CCDC180: variants seen among roughly 807,000 people sequenced by gnomAD.
CCDC180 encodes coiled-coil domain containing 180.
In CCDC180, 154 loss-of-function variants were observed where a neutral mutation model predicts 209.2. That is an observed-to-expected ratio of 0.74 (90% confidence interval 0.65 to 0.84). CCDC180 has a LOEUF of 0.84. Among genes scored for constraint, CCDC180 ranks in the 40% least tolerant of loss-of-function variants. The pLI is 0.00. For synonymous variants in CCDC180, 778 were observed against 749.1 expected (o/e 1.04, Z -0.63); for missense variants, 1,874 against 1,997.3 (o/e 0.94, Z 1.18).
chr9:97,355,216 G>A (rs1165064165), intron 24 of CCDC180, among the ~76,000 whole-genome samples: 1 of 152,102 alleles, frequency 6.6e-6, no homozygotes, highest in Non-Finnish European at 1.5e-5. Flanking sequence ...GTGCAGTGGC[G>A]TGAACACAGC....
chr9:97,326,409 G>T (rs1372895348), intron 14 of CCDC180, 145 bp from the exon 15 acceptor site: 1 of 653,502 alleles, frequency 1.5e-6, no homozygotes, highest in Non-Finnish European at 2.8e-6. Context: ...GTGGCAGATT[G>T]GGTACCCCAT....
chr9:97,329,759 G>A (rs145231911), intron 16 of CCDC180, among the ~76,000 whole-genome samples: 3 of 152,220 alleles, frequency 2.0e-5, no homozygotes, highest in Admixed American at 6.5e-5. Flanking sequence ...GGGAGGGATG[G>A]GTCCTTTTAC....
In CCDC180 at chr9:97,349,136, G is replaced by A. The variant is rs865776286; in HGVS notation, c.2700G>A (p.Gln900=). The change falls in exon 21 of 37, where the codon CAG becomes CAA. Residue 900 remains glutamine (Q), a synonymous_variant. Coordinates refer to ENST00000529487, the MANE Select transcript of CCDC180 (RefSeq NM_020893.6). ...RAAELLLHQE[Q]LDSHCAGVTE... ...CCGAGCTTTTGCTTCATCAAGAGCA[G>A]TTGGACAGCCACTGTGCTGGGGTGA... 3 of 1,536,130 alleles carry A rather than the reference G, an allele frequency of 2.0e-6. No homozygotes were observed. Among genetic ancestry groups the A allele is most frequent in the East Asian group, 2.4e-5 (1 of 40,924 alleles).
In CCDC180 at chr9:97,371,593, A is replaced by G. The variant is rs759886680; in HGVS notation, c.4489-2A>G. The G allele has an allele frequency of 6.3e-6, 10 of 1,590,184 alleles. No individual in the cohort carries two copies. In the African/African-American group the frequency reaches 9.4e-5, roughly 15 times the overall value. Reference sequence around the variant, plus strand: ...GCACTGTGCTCACCATGTTTTTTCCAGGAATGTACCAGAAGGAATGGCCAG... The same window carrying G: ...GCACTGTGCTCACCATGTTTTTTCCGGGAATGTACCAGAAGGAATGGCCAG... On this transcript the variant is annotated splice_acceptor_variant, in intron 33 of 36. Coordinates refer to ENST00000529487, the MANE Select transcript of CCDC180 (RefSeq NM_020893.6). LOFTEE classifies it high-confidence loss of function.
Position 97,354,884 on chromosome 9 carries a change from C to T in CCDC180, c.3148-8C>T. 1 of 1,601,460 alleles carries T rather than the reference C, an allele frequency of 6.2e-7. No individual in the cohort carries two copies. The highest frequency in any genetic ancestry group is 8.6e-7 in the Non-Finnish European group (1 of 1,168,438). On this transcript the variant is annotated splice_region_variant and splice_polypyrimidine_tract_variant and intron_variant, in intron 23 of 36. Coordinates refer to ENST00000529487, the MANE Select transcript of CCDC180 (RefSeq NM_020893.6). ...CCCCTGTCCTTTACCCTTTATCTCT[C>T]TGTACAGGCCAATGATGTCATCAAC...
chr9:97,326,149 GC>G (rs997483428), intron 14 of CCDC180, among the ~76,000 whole-genome samples: 4 of 152,200 alleles, frequency 2.6e-5, no homozygotes, highest in African/African-American at 9.7e-5. Context: ...AGGTCAGCTG[GC>G]CCCTGCCTTG....
intron 34 of CCDC180, chr9:97,372,030 A>G: frequency 5.4e-6 from 1 of 186,392 alleles, no homozygotes; most frequent in East Asian, 1.3e-4. Flanking sequence ...AATCCCGAAA[A>G]ATGTCAAAAG....
intron 18 of CCDC180, among the ~76,000 whole-genome samples, chr9:97,339,374 A>T (rs1270265343): frequency 1.3e-5 from 2 of 152,128 alleles, no homozygotes; most frequent in Non-Finnish European, 2.9e-5. Flanking sequence ...ATCTCTCAGC[A>T]TTTGCTTGTC....
intron 31 of CCDC180, chr9:97,369,577 C>T: frequency 4.9e-6 from 1 of 204,492 alleles, no homozygotes; most frequent in South Asian, 8.5e-5. Context: ...CCACTTCAGC[C>T]TCCTGAGTAG....
At chr9:97,321,415 G>A (rs892912749) in intron 11 of CCDC180, among the ~76,000 whole-genome samples, 5 of 152,212 alleles carry the variant, frequency 3.3e-5, no homozygotes, top group African/African-American at 1.2e-4. Context: ...AGTAAGAGAA[G>A]GGTTTAGTGG....
upstream of CCDC180, chr9:97,307,565 T>C (rs904017454): frequency 1.3e-4 from 85 of 648,026 alleles, no homozygotes; most frequent in Middle Eastern, 1.8e-3. Context: ...ACTCTCTCCC[T>C]CCAATTCTCC....
chr9:97,326,578 C>T lies in CCDC180; in HGVS notation c.1570C>T (p.Leu524Phe), dbSNP rs761779685. 6.2e-7 allele frequency: 1 copy of T among 1,613,418 alleles called. No homozygotes were observed. The highest frequency in any genetic ancestry group is 8.5e-7 in the Non-Finnish European group (1 of 1,179,352). Reference sequence around the variant, plus strand: ...GGTGCAGGAGGCCCACCTCGATAGGCTCTTGGACCAACTGAGGCAGCAAAG... The same window carrying T: ...GGTGCAGGAGGCCCACCTCGATAGGTTCTTGGACCAACTGAGGCAGCAAAG... ...SQVQEAHLDRLLDQLRQQSDK... is the reference protein window; with the variant it reads ...SQVQEAHLDRFLDQLRQQSDK... The change falls in exon 15 of 37, where the codon CTC becomes TTC. Residue 524 changes from leucine to phenylalanine, a missense_variant. Leu to Phe is a conservative substitution (Grantham distance 22, BLOSUM62 0). Coordinates refer to ENST00000529487, the MANE Select transcript of CCDC180 (RefSeq NM_020893.6).
chr9:97,344,559 T>C (rs1826192311), intron 19 of CCDC180, among the ~76,000 whole-genome samples: 1 of 152,170 alleles, frequency 6.6e-6, no homozygotes, highest in African/African-American at 2.4e-5. Context: ...TAACTCCATT[T>C]TACAGATGAA....
chr9:97,319,623 T>C (rs1453150328), intron 10 of CCDC180, among the ~76,000 whole-genome samples: 1 of 152,252 alleles, frequency 6.6e-6, no homozygotes, highest in Non-Finnish European at 1.5e-5. Flanking sequence ...GATAACGGCC[T>C]CCAGCTCCAT....
At chr9:97,352,933 ACATATACGTATG>A (rs1587822230) in intron 22 of CCDC180, among the ~76,000 whole-genome samples, 1 of 149,628 alleles carries the variant, frequency 6.7e-6, no homozygotes, top group East Asian at 2.0e-4. Context: ...GTAGATATAT[ACATATACGTATG>A]TATATATATA....
intron 20 of CCDC180, among the ~76,000 whole-genome samples, chr9:97,348,678 C>A (rs1587818793): frequency 6.6e-6 from 1 of 152,148 alleles, no homozygotes; most frequent in Non-Finnish European, 1.5e-5. Context: ...GCCACTCTAC[C>A]TTGGAAGACA....
At position 97,365,801 on chromosome 9, in the gene CCDC180, G is replaced by A. The variant is rs566119160; in HGVS notation, c.4047+62G>A. On this transcript the variant is annotated intron_variant, in intron 30 of 36. Transcript: ENST00000529487. ...AAACCACGCCTGCCTTCTGCAGTCT[G>A]CTGATCATGGCCGCTTGGGGGAAAA... 7 of 1,419,790 alleles carry A rather than the reference G, an allele frequency of 4.9e-6. No homozygotes were observed. The South Asian group carries it at 6.9e-5, about 14-fold the overall frequency. The allele number at this position is 1,419,790 out of a possible 1,614,324, so 87.9% of individuals were successfully genotyped here. A position where few individuals can be genotyped will look rare whatever the true frequency, so the allele number is the denominator to read the frequency against.
rs751099606 is a variant in CCDC180 at position 97,347,328 on chromosome 9, T to G, written c.2513T>G (p.Phe838Cys). ...CTCGCCCTCAGACTTCGAGCTGGCT[T>G]CTTCGAGCACCTTGAGAAGTGGTTT... Reference protein sequence around the residue: ...LEIKKQLRAGFFEHLEKWFDQ... With the variant: ...LEIKKQLRAGCFEHLEKWFDQ... Residue 838 changes from phenylalanine (F) to cysteine (C), a missense_variant, in exon 20 of 37, where the codon TTC becomes TGC. By Grantham distance (205) the Phe-to-Cys change is radical. Transcript: ENST00000529487. 1.3e-6 allele frequency: 2 copies of G among 1,535,862 alleles called. No homozygotes were observed. The highest frequency in any genetic ancestry group is 2.7e-5 in the African/African-American group (2 of 73,058).
Position 97,377,865 on chromosome 9 carries a change from A to T in CCDC180, c.*971A>T, listed in dbSNP as rs956129998. ...GAAAGGAATATATGCGCATTGTAGA[A>T]AAAAGAATTTATGAAACCAGCAAAA... On this transcript the variant is annotated 3_prime_UTR_variant, in exon 37 of 37. Transcript: ENST00000529487. 1 of 151,740 alleles carries T rather than the reference A, an allele frequency of 6.6e-6. No individual in the cohort carries two copies. Among genetic ancestry groups the T allele is most frequent in the Admixed American group, 6.6e-5 (1 of 15,218 alleles). 9.4% of individuals were successfully genotyped at this position (151,740 alleles called of 1,614,324 possible). A position where few individuals can be genotyped will look rare whatever the true frequency, so the allele number is the denominator to read the frequency against.
Sources: allele counts gnomAD v4.1 joint callset (sites outside exome capture counted in the v4.1 genomes callset), GRCh38; gene constraint gnomAD v4.1.1; transcripts MANE v1.5; gene names NCBI Gene and HGNC (gene_info 2026-07-23, HGNC 2026-07-21).